C10orf71: variants seen among roughly 807,000 people sequenced by gnomAD.
C10orf71 encodes cardiac-enriched FHL2-interacting protein.
For missense variants in C10orf71, 1,869 were observed against 1,804.5 expected, an observed-to-expected ratio of 1.04 and a Z score of -0.65; for synonymous variants, 758 against 726.3, an observed-to-expected ratio of 1.04 and a Z score of -0.70.
intron 1 of C10orf71, among the ~76,000 whole-genome samples, chr10:49,307,338 G>T (rs1848832372): frequency 6.6e-6 from 1 of 152,242 alleles, no homozygotes; most frequent in Non-Finnish European, 1.5e-5. Context: ...ACACCTGAGA[G>T]AGTGTCGTGG....
At position 49,325,341 on chromosome 10, in the gene C10orf71, C is replaced by A; in HGVS notation, c.2796C>A (p.Asn932Lys). Residue 932 changes from asparagine (N) to lysine (K), a missense_variant, in exon 3 of 3, where the codon AAC becomes AAA. Transcript: ENST00000374144. Reference protein sequence around the residue: ...TRGTRVKCMANEVMEDPGQGS... With the variant: ...TRGTRVKCMAKEVMEDPGQGS... The stretch of plus-strand genomic sequence containing the variant: ...GCACACGTGTGAAGTGCATGGCCAA[C>A]GAGGTCATGGAGGACCCTGGGCAGG... The A allele has an allele frequency of 6.4e-7, 1 of 1,551,706 alleles. No homozygotes were observed. Among genetic ancestry groups the A allele is most frequent in the Non-Finnish European group, 8.7e-7 (1 of 1,147,000 alleles).
chr10:49,302,784 G>A (rs978319601), intron 1 of C10orf71, among the ~76,000 whole-genome samples: 2 of 152,168 alleles, frequency 1.3e-5, no homozygotes, highest in Admixed American at 6.5e-5. Context: ...CTTCACCCCA[G>A]CTCCTCAGGA....
intron 1 of C10orf71, among the ~76,000 whole-genome samples, chr10:49,309,354 T>G (rs750514128): frequency 6.6e-5 from 10 of 152,106 alleles, no homozygotes; most frequent in Non-Finnish European, 1.2e-4. Flanking sequence ...TGCTAATACA[T>G]GTGCACACTC....
intron 1 of C10orf71, among the ~76,000 whole-genome samples, chr10:49,306,066 G>A (rs1395615563): frequency 1.3e-5 from 2 of 152,254 alleles, no homozygotes; most frequent in African/African-American, 2.4e-5. Flanking sequence ...GCTCTGTGGA[G>A]ACACGGAGAG....
chr10:49,316,558 G>T (rs1849002687), intron 2 of C10orf71, among the ~76,000 whole-genome samples: 1 of 152,130 alleles, frequency 6.6e-6, no homozygotes, highest in South Asian at 2.1e-4. Context: ...GGGTTCTTCA[G>T]CCACAAGCAA....
At chr10:49,320,031 AAAGATGAAAGAGTCCTGG>A (rs1444535705) in intron 2 of C10orf71, among the ~76,000 whole-genome samples, 1 of 152,146 alleles carries the variant, frequency 6.6e-6, no homozygotes, top group Non-Finnish European at 1.5e-5. Context: ...TTCAGTTTTG[AAAGATGAAAGAGTCCTGG>A]AGATTGATTG....
chr10:49,319,841 A>G (rs1849065389), intron 2 of C10orf71, among the ~76,000 whole-genome samples: 1 of 151,902 alleles, frequency 6.6e-6, no homozygotes. Flanking sequence ...ACATGCTACA[A>G]CACAGATAAA....
At position 49,326,901 on chromosome 10, in the gene C10orf71, C is replaced by T; in HGVS notation, c.*48C>T. On this transcript the variant is annotated 3_prime_UTR_variant, in exon 3 of 3. Transcript: ENST00000374144. ...CCCCAGATGAACCCAGAGGAGCTTA[C>T]TTCCCCCTCCCCCAAAACAAGCAAC... is the stretch of plus-strand genomic sequence containing the variant. 1 of 1,373,174 alleles carries T rather than the reference C, an allele frequency of 7.3e-7. No homozygotes were observed. The highest frequency in any genetic ancestry group is 9.7e-7 in the Non-Finnish European group (1 of 1,026,826). The allele number at this position is 1,373,174 out of a possible 1,614,324, so 85.1% of individuals were successfully genotyped here.
In C10orf71 at chr10:49,322,567, T is replaced by C. The variant is rs753866262; in HGVS notation, c.22T>C (p.Cys8Arg). 8.1e-6 allele frequency: 13 copies of C among 1,610,002 alleles called. No homozygotes were observed. Among genetic ancestry groups the C allele is most frequent in the Admixed American group, 5.0e-5 (3 of 59,562 alleles). MMQGNKK[C>R]TDAFSDSSSI... ...ACAGATGATGCAAGGAAATAAGAAG[T>C]GCACAGACGCGTTCAGCGACTCCTC... The change falls in exon 3 of 3, where the codon TGC becomes CGC. Residue 8 changes from cysteine (C) to arginine (R), a missense_variant. By Grantham distance (180) the Cys-to-Arg change is radical. Transcript: ENST00000374144.
At chr10:49,303,967 A>G (rs1848770737) in intron 1 of C10orf71, among the ~76,000 whole-genome samples, 1 of 152,226 alleles carries the variant, frequency 6.6e-6, no homozygotes, top group Non-Finnish European at 1.5e-5. Context: ...GGCCAGGCAC[A>G]GCTTCAGACC....
At chr10:49,305,002 T>A (rs1848788725) in intron 1 of C10orf71, among the ~76,000 whole-genome samples, 1 of 152,190 alleles carries the variant, frequency 6.6e-6, no homozygotes, top group African/African-American at 2.4e-5. Context: ...AAGTGGCAAG[T>A]CCTAAAGCTG....
Position 49,326,597 on chromosome 10 carries a change from G to C in C10orf71, c.4052G>C (p.Cys1351Ser). 6.5e-7 allele frequency: 1 copy of C among 1,550,378 alleles called. No homozygotes were observed. The highest frequency in any genetic ancestry group is 8.7e-7 in the Non-Finnish European group (1 of 1,146,876). ...GTGACGGCCTTGATGCCGCTGCGCT[G>C]CTCCTCTCAGCTCTCCGCGCCCACC... Reference protein sequence around the residue: ...VPVTALMPLRCSSQLSAPTFL... With the variant: ...VPVTALMPLRSSSQLSAPTFL... Residue 1351 changes from cysteine to serine, a missense_variant, in exon 3 of 3, where the codon TGC becomes TCC. Physicochemically the swap from Cys to Ser is moderately radical, Grantham distance 112. Coordinates refer to ENST00000374144, the MANE Select transcript of C10orf71 (RefSeq NM_001135196.2).
At chr10:49,319,771 T>TCA (rs55987453) in intron 2 of C10orf71, among the ~76,000 whole-genome samples, 134,972 of 141,192 alleles carry the variant, frequency 0.96, 64,768 homozygotes, top group East Asian at 0.99. Flanking sequence ...TATATGTATA[T>TCA]CACACACACA....
chr10:49,325,762 A>T lies in C10orf71; in HGVS notation c.3217A>T (p.Ser1073Cys). 6.4e-7 allele frequency: 1 copy of T among 1,551,436 alleles called. No homozygotes were observed. Among genetic ancestry groups the T allele is most frequent in the Non-Finnish European group, 8.7e-7 (1 of 1,146,878 alleles). The change falls in exon 3 of 3, where the codon AGC becomes TGC. Residue 1073 changes from serine to cysteine, a missense_variant. Transcript: ENST00000374144. ...GAGCAGTGCCTGCTCCCCTGCTGCC[A>T]GCAACATTTGGGAGGAGTCTTCCCA... Reference protein sequence around the residue: ...GESSACSPAASNIWEESSQAP... With the variant: ...GESSACSPAACNIWEESSQAP...
At chr10:49,313,335 G>A (rs1411860141) in intron 1 of C10orf71, among the ~76,000 whole-genome samples, 1 of 152,194 alleles carries the variant, frequency 6.6e-6, no homozygotes, top group Non-Finnish European at 1.5e-5. Context: ...CCTGAGGCAG[G>A]AAGTAGGGTG....
At chr10:49,304,109 G>A (rs1286161559) in intron 1 of C10orf71, among the ~76,000 whole-genome samples, 4 of 152,230 alleles carry the variant, frequency 2.6e-5, no homozygotes, top group Non-Finnish European at 5.9e-5. Context: ...TCCTACACAT[G>A]CCTCCTCTAG....
intron 2 of C10orf71, among the ~76,000 whole-genome samples, chr10:49,316,617 G>A (rs1849003532): frequency 6.6e-6 from 1 of 152,162 alleles, no homozygotes; most frequent in African/African-American, 2.4e-5. Context: ...TGTATTAAAA[G>A]AAAAATGGAG....
chr10:49,324,926 G>T lies in C10orf71; in HGVS notation c.2381G>T (p.Arg794Leu), dbSNP rs372978439. The change falls in exon 3 of 3, where the codon CGC becomes CTC. Residue 794 changes from arginine (R) to leucine (L), a missense_variant. Transcript: ENST00000374144. ...LSNGHACLENRSQGEALQRER... is the reference protein window; with the variant it reads ...LSNGHACLENLSQGEALQRER... The stretch of plus-strand genomic sequence containing the variant: ...AATGGGCACGCATGCCTGGAAAACC[G>T]CAGCCAGGGGGAAGCATTGCAAAGA... 1 of 1,550,524 alleles carries T rather than the reference G, an allele frequency of 6.4e-7. No individual in the cohort carries two copies. Among genetic ancestry groups the T allele is most frequent in the Non-Finnish European group, 8.7e-7 (1 of 1,146,194 alleles).
rs925179387 is a variant in C10orf71 at position 49,325,672 on chromosome 10, C to T, written c.3127C>T (p.Pro1043Ser). Residue 1043 changes from proline (P) to serine (S), a missense_variant, in exon 3 of 3, where the codon CCC becomes TCC. Pro to Ser is a moderately conservative substitution (Grantham distance 74). Transcript: ENST00000374144. ...CTTTTTGTCCACACCCAGAGCAGGG[C>T]CCCCTGGCAGAAGACTGGTCCCCAG... ...SHFLSTPRAG[P>S]PGRRLVPSER... 1 of 1,551,944 alleles carries T rather than the reference C, an allele frequency of 6.4e-7. No homozygotes were observed. The highest frequency in any genetic ancestry group is 1.4e-5 in the African/African-American group (1 of 73,056).
Sources: allele counts gnomAD v4.1 joint callset (sites outside exome capture counted in the v4.1 genomes callset), GRCh38; gene constraint gnomAD v4.1.1; transcripts MANE v1.5; gene names NCBI Gene and HGNC (gene_info 2026-07-23, HGNC 2026-07-21).